Variants in ZC3H12B observed in about 807,000 individuals in gnomAD.
The protein encoded by ZC3H12B is probable ribonuclease ZC3H12B.
A neutral mutation model predicts 43.9 loss-of-function variants in ZC3H12B; 7 were observed. That is an observed-to-expected ratio of 0.16 (90% CI 0.09 to 0.30). The LOEUF (loss-of-function observed/expected upper bound fraction) is 0.30, where lower values mean the gene tolerates loss of function less well. Ranked by LOEUF, ZC3H12B falls within the 10% of genes least tolerant of loss-of-function variation. The probability of loss-of-function intolerance (pLI) is 1.00; values close to 1 mark genes in which losing one functional copy is unlikely to be tolerated. For missense variants in ZC3H12B, 475 were observed against 670.2 expected, an observed-to-expected ratio of 0.71 and a Z score of 3.22; for synonymous variants, 222 against 241.7, an observed-to-expected ratio of 0.92 and a Z score of 0.76.
At chrX:65,179,765 G>T in the ZC3H12B span, among the ~76,000 whole-genome samples, 1 of 111,757 alleles carries the variant, frequency 8.9e-6, no homozygotes, top group Admixed American at 9.5e-5. Flanking sequence ...AGGAGAAATG[G>T]ATAAATATCT....
At chrX:65,158,063 A>G in the ZC3H12B span, among the ~76,000 whole-genome samples, 1 of 106,787 alleles carries the variant, frequency 9.4e-6, no homozygotes, top group East Asian at 3.0e-4. Context: ...GAGAATGATG[A>G]TTTCCAATTT....
chrX:65,297,149 G>A, the ZC3H12B span, among the ~76,000 whole-genome samples: 1 of 111,384 alleles, frequency 9.0e-6, no homozygotes, highest in Admixed American at 9.6e-5. Context: ...CCTAGCCAGA[G>A]CAATCAGACA....
chrX:65,342,825 A>T, the ZC3H12B span, among the ~76,000 whole-genome samples: 4 of 100,158 alleles, frequency 4.0e-5, no homozygotes, highest in African/African-American at 1.7e-4. Flanking sequence ...GCTGAATTGC[A>T]GGAGACTGAG....
intron 3 of ZC3H12B, among the ~76,000 whole-genome samples, chrX:65,406,277 T>C (rs1385691358): frequency 7.8e-4 from 83 of 106,325 alleles, no homozygotes; most frequent in African/African-American, 2.5e-3. Flanking sequence ...CAATGTTACA[T>C]TAAAAAAAAA....
chrX:65,397,352 T>C (rs778483675), intron 2 of ZC3H12B, among the ~76,000 whole-genome samples: 1 of 111,893 alleles, frequency 8.9e-6, no homozygotes, highest in East Asian at 2.8e-4. Flanking sequence ...TTCTTTCCCA[T>C]ATTAGGGCTT....
the ZC3H12B span, among the ~76,000 whole-genome samples, chrX:65,055,439 C>T: frequency 8.9e-6 from 1 of 111,868 alleles, no homozygotes; most frequent in South Asian, 3.7e-4. Context: ...ATGAAGCCCA[C>T]TTGATCATGG....
At chrX:65,052,705 A>C in the ZC3H12B span, among the ~76,000 whole-genome samples, 1 of 111,140 alleles carries the variant, frequency 9.0e-6, no homozygotes, top group African/African-American at 3.3e-5. Flanking sequence ...GGGTGCTCTC[A>C]AATCTTAGCT....
At chrX:65,155,235 G>A in the ZC3H12B span, among the ~76,000 whole-genome samples, 12 of 110,476 alleles carry the variant, frequency 1.1e-4, no homozygotes, top group Non-Finnish European at 1.7e-4. Context: ...TAGGATTACA[G>A]GCATGATCCA....
chrX:65,381,308 A>G (rs1348690113), intron 2 of ZC3H12B, among the ~76,000 whole-genome samples: 6 of 111,596 alleles, frequency 5.4e-5, no homozygotes, highest in African/African-American at 2.0e-4. Context: ...CTCACTCAAA[A>G]CCGCTCAACT....
At chrX:65,330,722 TG>T in the ZC3H12B span, 39 of 119,666 alleles carry the variant, frequency 3.3e-4, no homozygotes, top group Non-Finnish European at 5.7e-4. Context: ...GATTTTTGTA[TG>T]TTGAACAAGC....
At chrX:65,065,914 CT>C in the ZC3H12B span, among the ~76,000 whole-genome samples, 1 of 105,489 alleles carries the variant, frequency 9.5e-6, no homozygotes, top group Non-Finnish European at 1.9e-5. Flanking sequence ...TCTGATATCC[CT>C]TCTTCTGCTT....
At chrX:65,502,337 T>C in exon 5 of ZC3H12B, 2 of 1,211,300 alleles carry the variant, frequency 1.7e-6, no homozygotes, top group Non-Finnish European at 2.2e-6. Context: ...TGGCTACTAT[T>C]CAATGTTAGG....
At chrX:65,432,201 G>A (rs1056800089) in intron 3 of ZC3H12B, among the ~76,000 whole-genome samples, 4 of 111,635 alleles carry the variant, frequency 3.6e-5, no homozygotes, top group Admixed American at 2.9e-4. Flanking sequence ...GAGTACTGCT[G>A]TATATGTTCA....
At chrX:65,499,089 A>T in exon 3 of ZC3H12B, 1 of 1,211,448 alleles carries the variant, frequency 8.3e-7, no homozygotes, top group Non-Finnish European at 1.1e-6. Context: ...GTCTGCTATG[A>T]TGACCGGTTC....
chrX:65,345,689 TAAAATAA>T, the ZC3H12B span, among the ~76,000 whole-genome samples: 1 of 111,234 alleles, frequency 9.0e-6, no homozygotes, highest in Non-Finnish European at 1.9e-5. Flanking sequence ...ACTCTGACCT[TAAAATAA>T]AAAATAAATA....
At chrX:65,455,371 G>A (rs1413126037) in intron 3 of ZC3H12B, among the ~76,000 whole-genome samples, 3 of 112,203 alleles carry the variant, frequency 2.7e-5, no homozygotes, top group Non-Finnish European at 5.6e-5. Flanking sequence ...GGAAGAAAGG[G>A]TATCAGTGAT....
chrX:65,192,574 C>G, the ZC3H12B span, among the ~76,000 whole-genome samples: 1 of 111,292 alleles, frequency 9.0e-6, no homozygotes, highest in South Asian at 3.8e-4. Context: ...TGAATATTAT[C>G]AAATGCTTTA....
the ZC3H12B span, among the ~76,000 whole-genome samples, chrX:65,071,161 A>G: frequency 9.1e-6 from 1 of 110,077 alleles, no homozygotes; most frequent in Admixed American, 9.7e-5. Flanking sequence ...TAGATTTAGG[A>G]TAGTTAGATC....
intron 3 of ZC3H12B, among the ~76,000 whole-genome samples, chrX:65,433,136 C>A (rs2067183341): frequency 8.9e-6 from 1 of 112,682 alleles, no homozygotes. Flanking sequence ...TTTGCTGTAG[C>A]AATAAAACCA....
Sources: gnomAD v4.1 joint callset for allele counts (sites outside exome capture counted in the v4.1 genomes callset) on GRCh38, gnomAD v4.1.1 for gene constraint, MANE v1.5 for transcripts, NCBI Gene and HGNC (gene_info 2026-07-23, HGNC 2026-07-21) for gene names.